PTPN18: variants seen among roughly 807,000 people sequenced by gnomAD.
PTPN18 encodes tyrosine-protein phosphatase non-receptor type 18.
Under a neutral mutation model 65.4 loss-of-function variants are expected in PTPN18, and 65 were observed. The ratio of observed to expected loss-of-function variants is 0.99; its 90% CI spans 0.81 to 1.22. PTPN18 has a LOEUF of 1.22. Ranked by LOEUF, PTPN18 falls within the 50% of genes most tolerant of loss-of-function variation. PTPN18 has a pLI of 0.00. For missense variants in PTPN18, 616 were observed against 646.5 expected, an observed-to-expected ratio of 0.95 and a Z score of 0.51; for synonymous variants, 255 against 267.8, an observed-to-expected ratio of 0.95 and a Z score of 0.47.
In PTPN18 at chr2:130,371,012, G is replaced by A. The variant is rs371220418; in HGVS notation, c.924+48G>A. 8.2e-6 allele frequency: 13 copies of A among 1,584,208 alleles called. No individual in the cohort carries two copies. In the African/African-American group the frequency reaches 1.6e-4, roughly 20 times the overall value. On this transcript the variant is annotated intron_variant, in intron 11 of 14. Transcript: ENST00000175756. ...CTCCTGTCCACCATCAGCACCCTCA[G>A]AGACCAGGACCCCGAGCAGGGTCCA...
intron 5 of PTPN18, among the ~76,000 whole-genome samples, chr2:130,361,438 C>A (rs1237782687): frequency 7.2e-5 from 11 of 151,978 alleles, no homozygotes; most frequent in Non-Finnish European, 1.5e-4. Flanking sequence ...TGTAATGACT[C>A]TTTATTTGTT....
chr2:130,359,429 G>T lies in PTPN18; in HGVS notation c.312G>T (p.Thr104=). 2.5e-6 allele frequency: 4 copies of T among 1,614,208 alleles called. No individual in the cohort carries two copies. The highest frequency in any genetic ancestry group is 1.1e-5 in the South Asian group (1 of 91,072). Reference sequence around the variant, plus strand: ...ATGGAAGCCTGGCCTACATTGCCACGCAAGGACCCTTGCCTCACACCCTGC... The same window carrying T: ...ATGGAAGCCTGGCCTACATTGCCACTCAAGGACCCTTGCCTCACACCCTGC... ...GVDGSLAYIA[T]QGPLPHTLLD... Residue 104 remains threonine (T), a synonymous_variant, in exon 4 of 15, where the codon ACG becomes ACT. Coordinates refer to ENST00000175756, the MANE Select transcript of PTPN18 (RefSeq NM_014369.4).
At chr2:130,372,671 C>A in intron 13 of PTPN18, 188 bp downstream of exon 13, 1 of 971,124 alleles carries the variant, frequency 1.0e-6, no homozygotes, top group Non-Finnish European at 1.5e-6. Flanking sequence ...GTCGCAGTCG[C>A]GGTCCAGGGG....
intron 13 of PTPN18, 66 bp from the exon 14 acceptor site, chr2:130,372,807 A>C: frequency 5.8e-6 from 9 of 1,540,434 alleles, no homozygotes; most frequent in Non-Finnish European, 8.0e-6. Flanking sequence ...CGTCCCCGCT[A>C]GGGGTGGGGT....
chr2:130,374,572 C>G lies in PTPN18; in HGVS notation c.*1348C>G, dbSNP rs1680681006. Reference sequence around the variant, plus strand: ...TAAAAGGAGGACACGTCTCTGTGCACTGGTGTGGACAAATCTCCAAGTCAC... The same window carrying G: ...TAAAAGGAGGACACGTCTCTGTGCAGTGGTGTGGACAAATCTCCAAGTCAC... On this transcript the variant is annotated 3_prime_UTR_variant, in exon 15 of 15. Transcript: ENST00000175756. 2.1e-6 allele frequency: 1 copy of G among 469,128 alleles called. No homozygotes were observed. The highest frequency in any genetic ancestry group is 2.4e-5 in the Admixed American group (1 of 42,466). The allele number at this position is 469,128 out of a possible 1,614,324, so 29.1% of individuals were successfully genotyped here.
intron 8 of PTPN18, 170 bp downstream of exon 8, chr2:130,370,360 G>A: frequency 8.8e-7 from 1 of 1,139,542 alleles, no homozygotes; most frequent in Non-Finnish European, 1.3e-6. Flanking sequence ...CTCAGCTGGG[G>A]AATAAGCACA....
intron 1 of PTPN18, 65 bp from the exon 2 acceptor site, chr2:130,358,802 G>T: frequency 7.2e-7 from 1 of 1,393,630 alleles, no homozygotes; most frequent in South Asian, 1.2e-5. Context: ...TAGGTGGCCT[G>T]GGACTCTGAC....
chr2:130,370,208 C>T lies in PTPN18; in HGVS notation c.689+18C>T, dbSNP rs1250499078. On this transcript the variant is annotated intron_variant, in intron 8 of 14. Transcript: ENST00000175756. The stretch of plus-strand genomic sequence containing the variant: ...CACTGCAGGTTTTGGAAATGGGCTT[C>T]AGGAGGGTCTGGTGAGGCAGAGGGG... The T allele has an allele frequency of 1.3e-5, 21 of 1,607,766 alleles. No homozygotes were observed. Among genetic ancestry groups the T allele is most frequent in the Non-Finnish European group, 1.8e-5 (21 of 1,179,972 alleles).
chr2:130,371,095 A>T, intron 11 of PTPN18, 104 bp from the exon 12 acceptor site: 1 of 1,375,248 alleles, frequency 7.3e-7, no homozygotes, highest in Non-Finnish European at 1.0e-6. Flanking sequence ...GCCCTCCTCC[A>T]GGCATCCTTA....
rs958092583 is a variant in PTPN18 at position 130,359,376 on chromosome 2, C to T, written c.280-21C>T. 3.3e-5 allele frequency: 53 copies of T among 1,613,954 alleles called. 1 individual carries two copies. Among genetic ancestry groups the T allele is most frequent in the Non-Finnish European group, 4.3e-5 (51 of 1,179,958 alleles). On this transcript the variant is annotated intron_variant, in intron 3 of 14. Coordinates refer to ENST00000175756, the MANE Select transcript of PTPN18 (RefSeq NM_014369.4). ...CAGGGGTGGGCCGCAGAATCTCAGT[C>T]GTGAATTCGGCCTTCACCAGGGCGT...
chr2:130,357,075 G>C (rs148915161), intron 1 of PTPN18, among the ~76,000 whole-genome samples: 1 of 152,298 alleles, frequency 6.6e-6, no homozygotes, highest in East Asian at 1.9e-4. Context: ...TGTAATCCCA[G>C]CTACTAGGGA....
chr2:130,371,343 C>T, intron 12 of PTPN18, 56 bp downstream of exon 12: 4 of 1,422,656 alleles, frequency 2.8e-6, no homozygotes, highest in Non-Finnish European at 3.9e-6. Flanking sequence ...CTAACCCCTT[C>T]TTCATCCTTG....
intron 5 of PTPN18, among the ~76,000 whole-genome samples, chr2:130,367,957 A>T (rs2104945032): frequency 1.3e-5 from 2 of 151,486 alleles, no homozygotes; most frequent in East Asian, 3.9e-4. Flanking sequence ...TTTTCATTTC[A>T]TTTTGAATTA....
Position 130,375,134 on chromosome 2 carries a change from GC to G in PTPN18, c.*1912del, listed in dbSNP as rs1465108829. ...CCCAATGCCCCTGCCACTCCTGTGA[GC>G]CTGCTGCTGGTGAGGTCGGTGCTGA... On this transcript the variant is annotated 3_prime_UTR_variant, in exon 15 of 15. Transcript: ENST00000175756. 1 of 175,994 alleles carries G rather than the reference GC, an allele frequency of 5.7e-6. No homozygotes were observed. Among genetic ancestry groups the G allele is most frequent in the African/African-American group, 2.4e-5 (1 of 42,390 alleles). 10.9% of individuals were successfully genotyped at this position (175,994 alleles called of 1,614,324 possible). A position where few individuals can be genotyped will look rare whatever the true frequency, so the allele number is the denominator to read the frequency against.
chr2:130,367,968 T>C (rs1680439850), intron 5 of PTPN18, among the ~76,000 whole-genome samples: 1 of 152,182 alleles, frequency 6.6e-6, no homozygotes, highest in South Asian at 2.1e-4. Context: ...TTTTGAATTA[T>C]TTATATTGCT....
In PTPN18 at chr2:130,373,044, T is replaced by C; in HGVS notation, c.1315+97T>C. On this transcript the variant is annotated intron_variant, in intron 14 of 14. Transcript: ENST00000175756. The surrounding 1 kb of genome is among the most constrained non-coding windows in gnomAD (Gnocchi z 4.1). ...GGCATGGAGCTTAGTCCTGTGGATG[T>C]GGCTGCAGTGAACCAGGAGGACCTG... The C allele has an allele frequency of 6.4e-7, 1 of 1,557,636 alleles. No homozygotes were observed. Among genetic ancestry groups the C allele is most frequent in the Non-Finnish European group, 8.8e-7 (1 of 1,134,234 alleles).
chr2:130,369,166 G>A lies in PTPN18; in HGVS notation c.448G>A (p.Glu150Lys), dbSNP rs946118849. The change falls in exon 6 of 15, where the codon GAG becomes AAG. Residue 150 changes from glutamate (E) to lysine (K), a missense_variant. Physicochemically the swap from Glu to Lys is moderately conservative, Grantham distance 56. This residue lies in a region of PTPN18 where 223 missense variants were observed against 210.0 expected (regional missense o/e 1.06). Coordinates refer to ENST00000175756, the MANE Select transcript of PTPN18 (RefSeq NM_014369.4). ...RCERYWAQEQ[E>K]PLQTGLFCIT... ...TGAGCGGTACTGGGCCCAGGAGCAG[G>A]AGCCACTGCAGACTGGGCTTTTCTG... 1.2e-6 allele frequency: 2 copies of A among 1,613,566 alleles called. No homozygotes were observed. Among genetic ancestry groups the A allele is most frequent in the Non-Finnish European group, 1.7e-6 (2 of 1,179,766 alleles).
chr2:130,361,658 G>T (rs571180471), intron 5 of PTPN18, among the ~76,000 whole-genome samples: 6 of 151,470 alleles, frequency 4.0e-5, no homozygotes, highest in African/African-American at 1.2e-4. Flanking sequence ...CGCGATCTTG[G>T]CTCACTGCAA....
chr2:130,360,707 A>G (rs1254784175), intron 5 of PTPN18, among the ~76,000 whole-genome samples: 1 of 152,210 alleles, frequency 6.6e-6, no homozygotes, highest in East Asian at 1.9e-4. Context: ...TAAAGTATTT[A>G]TCTGACCCTT....
Sources: gnomAD v4.1 joint callset for allele counts (sites outside exome capture counted in the v4.1 genomes callset) on GRCh38, gnomAD v4.1.1 for gene constraint, gnomAD v4.1.1 regional missense constraint, Gnocchi (gnomAD v3.1) non-coding constraint, MANE v1.5 for transcripts, NCBI Gene and HGNC (gene_info 2026-07-23, HGNC 2026-07-21) for gene names.